AIG1: variants seen among roughly 807,000 people sequenced by gnomAD.
The protein encoded by AIG1 is androgen-induced gene 1 protein.
AIG1 carries 23 observed loss-of-function variants against 31.4 expected under a neutral mutation model. The ratio of observed to expected loss-of-function variants is 0.73; its 90% confidence interval spans 0.53 to 1.04. The LOEUF is 1.04. AIG1 is among the 50% of genes least tolerant of loss of function. The pLI is 0.00. For synonymous variants in AIG1, 100 were observed against 110.5 expected (o/e 0.90, Z 0.60); for missense variants, 274 against 295.0 (o/e 0.93, Z 0.52).
At chr6:143,080,413 A>T (rs778638610) in intron 1 of AIG1, among the ~76,000 whole-genome samples, 2 of 152,136 alleles carry the variant, frequency 1.3e-5, no homozygotes, top group Non-Finnish European at 2.9e-5. Context: ...GAGGTTAAAG[A>T]TACAAGGATT....
chr6:143,190,214 C>A lies in AIG1; in HGVS notation c.399+25031C>A, dbSNP rs1370998924. The stretch of plus-strand genomic sequence containing the variant: ...ATGAGAAAAAGAAAGGAAAGTACAA[C>A]AAAGAACATCAACCATAAGGAACAC... On this transcript the variant is annotated intron_variant, in intron 3 of 5. Transcript: ENST00000357847. 3.0e-6 allele frequency: 3 copies of A among 985,318 alleles called. No individual in the cohort carries two copies. In the Admixed American group the frequency reaches 1.8e-4, roughly 61 times the overall value. The allele number at this position is 985,318 out of a possible 1,614,324, so 61.0% of individuals were successfully genotyped here. A position where few individuals can be genotyped will look rare whatever the true frequency, so the allele number is the denominator to read the frequency against.
At chr6:143,152,294 G>T (rs1162096851) in intron 2 of AIG1, among the ~76,000 whole-genome samples, 2 of 152,110 alleles carry the variant, frequency 1.3e-5, no homozygotes, top group Non-Finnish European at 2.9e-5. Flanking sequence ...TGTTTAGCTG[G>T]ATGTCTCTCC....
chr6:143,067,847 A>G (rs1227935626), intron 1 of AIG1, among the ~76,000 whole-genome samples: 1 of 152,068 alleles, frequency 6.6e-6, no homozygotes, highest in African/African-American at 2.4e-5. Flanking sequence ...TTATACAGAG[A>G]GTGTAAAATT....
At chr6:143,187,257 C>G (rs1000308193) in intron 3 of AIG1, 1 of 713,914 alleles carries the variant, frequency 1.4e-6, no homozygotes, top group African/African-American at 1.8e-5. Flanking sequence ...TTCATCATAC[C>G]TATTTGAAAG....
At chr6:143,246,167 G>A (rs1258504296) in intron 3 of AIG1, among the ~76,000 whole-genome samples, 1 of 151,930 alleles carries the variant, frequency 6.6e-6, no homozygotes, top group African/African-American at 2.4e-5. Flanking sequence ...GTAAACTACC[G>A]AAGCCCTCTA....
intron 3 of AIG1, 116 bp downstream of exon 3, chr6:143,165,299 G>A (rs1267839666): frequency 6.2e-5 from 45 of 721,496 alleles, no homozygotes; most frequent in Non-Finnish European, 1.0e-4. Context: ...ATCTTGGAAG[G>A]TTATAATGGG....
intron 1 of AIG1, among the ~76,000 whole-genome samples, chr6:143,100,843 C>T (rs1028580562): frequency 6.6e-6 from 1 of 152,014 alleles, no homozygotes; most frequent in African/African-American, 2.4e-5. Context: ...CACCACTACA[C>T]CCGGCTAATT....
At chr6:143,206,281 G>C (rs1791101389) in intron 3 of AIG1, among the ~76,000 whole-genome samples, 1 of 152,176 alleles carries the variant, frequency 6.6e-6, no homozygotes, top group Admixed American at 6.5e-5. Context: ...TCTATTTTAA[G>C]TAACAACTAC....
At chr6:143,194,393 G>A (rs1313937159) in intron 3 of AIG1, among the ~76,000 whole-genome samples, 4 of 152,108 alleles carry the variant, frequency 2.6e-5, no homozygotes, top group African/African-American at 7.2e-5. Flanking sequence ...TCCCTCCCTC[G>A]ACACGTAGGG....
intron 3 of AIG1, among the ~76,000 whole-genome samples, chr6:143,217,612 A>G (rs1439200432): frequency 1.3e-5 from 2 of 151,892 alleles, no homozygotes; most frequent in African/African-American, 4.8e-5. Context: ...AGGTCCAATC[A>G]ATTCTCTTCC....
chr6:143,201,472 C>T (rs957507886), intron 3 of AIG1, among the ~76,000 whole-genome samples: 1 of 152,026 alleles, frequency 6.6e-6, no homozygotes, highest in Admixed American at 6.6e-5. Context: ...CTGTGGTTGC[C>T]TTTGCGCTAT....
intron 1 of AIG1, among the ~76,000 whole-genome samples, chr6:143,088,104 G>T (rs1171487371): frequency 1.3e-5 from 2 of 152,134 alleles, no homozygotes; most frequent in Non-Finnish European, 2.9e-5. Context: ...GAGCAGGAAT[G>T]GCTTTCTGTG....
chr6:143,246,594 C>T (rs9484715), intron 3 of AIG1, among the ~76,000 whole-genome samples: 83,548 of 152,018 alleles, frequency 0.55, 24,257 homozygotes, highest in East Asian at 0.92. Flanking sequence ...AGACAATCTG[C>T]TTGAGCCATT....
chr6:143,327,105 G>T lies in AIG1; in HGVS notation c.516-6177G>T, dbSNP rs1776671638. On this transcript the variant is annotated intron_variant, in intron 4 of 5. Transcript: ENST00000357847. This position sits in a 1 kb window ranked among gnomAD's most constrained non-coding sequence, Gnocchi z 5.3. ...AAAAAATAGATGTAGAGACAAATTA[G>T]AAACTATCACAGTCCTCTAGACAGA... 1.3e-5 allele frequency among the ~76,000 whole-genome samples: 2 copies of T among 152,166 alleles called. No individual in the cohort carries two copies. Among genetic ancestry groups the T allele is most frequent in the East Asian group, 3.9e-4 (2 of 5,194 alleles).
At chr6:143,171,411 TATATATATATA>T (rs1253816255) in intron 3 of AIG1, among the ~76,000 whole-genome samples, 1 of 123,182 alleles carries the variant, frequency 8.1e-6, no homozygotes, top group Admixed American at 9.9e-5. Flanking sequence ...ATAGTGTGTG[TATATATATATA>T]ATATATATAA....
chr6:143,204,139 T>C (rs1190776927), intron 3 of AIG1, among the ~76,000 whole-genome samples: 1 of 152,212 alleles, frequency 6.6e-6, no homozygotes, highest in Non-Finnish European at 1.5e-5. Flanking sequence ...TGTTGTATAA[T>C]GTACTTCCTC....
intron 1 of AIG1, among the ~76,000 whole-genome samples, chr6:143,105,794 G>T (rs1780751034): frequency 1.3e-5 from 2 of 152,246 alleles, no homozygotes; most frequent in Non-Finnish European, 2.9e-5. Context: ...CATGTTCCTT[G>T]AGGTTTTAGC....
intron 5 of AIG1, chr6:143,339,148 A>G (rs1777727419): frequency 6.7e-6 from 1 of 149,228 alleles, no homozygotes; most frequent in Non-Finnish European, 1.5e-5. Flanking sequence ...TAAACTCTCT[A>G]TGAACTTTAA....
chr6:143,063,126 T>C (rs906986086), intron 1 of AIG1, among the ~76,000 whole-genome samples: 4 of 152,232 alleles, frequency 2.6e-5, no homozygotes, highest in Admixed American at 2.0e-4. Context: ...AGAAATGATA[T>C]ACCTCTCATA....
Sources: allele counts gnomAD v4.1 joint callset (sites outside exome capture counted in the v4.1 genomes callset), GRCh38; gene constraint gnomAD v4.1.1; non-coding constraint Gnocchi (gnomAD v3.1); transcripts MANE v1.5; gene names NCBI Gene and HGNC (gene_info 2026-07-23, HGNC 2026-07-21).